Variants in AFG1L observed in about 807,000 individuals in gnomAD.
AFG1L encodes the protein AFG1 like ATPase, also known as AFG1-like ATPase.
A neutral mutation model predicts 62.2 loss-of-function variants in AFG1L; 53 were observed. The observed-to-expected ratio is 0.85, with a 90% CI of 0.68 to 1.07. The LOEUF is 1.07. Among genes scored for constraint, AFG1L ranks in the 50% least tolerant of loss-of-function variants. AFG1L has a pLI of 0.00. For synonymous variants in AFG1L, 228 were observed against 210.3 expected (o/e 1.08, Z -0.73); for missense variants, 555 against 590.5 (o/e 0.94, Z 0.62).
intron 11 of AFG1L, among the ~76,000 whole-genome samples, chr6:108,515,452 C>T (rs1362944868): frequency 2.6e-5 from 4 of 151,990 alleles, no homozygotes; most frequent in Admixed American, 6.6e-5. Context: ...TTGAAACCAA[C>T]GAGAACAAAG....
chr6:108,505,196 C>T (rs996064341), intron 10 of AFG1L, among the ~76,000 whole-genome samples: 19 of 151,516 alleles, frequency 1.3e-4, no homozygotes, highest in African/African-American at 9.7e-5. Flanking sequence ...CAGGTTCAAG[C>T]GATTCTCCTG....
chr6:108,340,999 C>T (rs1220083401), intron 2 of AFG1L, among the ~76,000 whole-genome samples: 1 of 152,112 alleles, frequency 6.6e-6, no homozygotes, highest in Non-Finnish European at 1.5e-5. Context: ...TGCAGAGACA[C>T]AGTGAACTCA....
intron 6 of AFG1L, among the ~76,000 whole-genome samples, chr6:108,373,465 A>T (rs114553600): frequency 1.3e-3 from 204 of 152,102 alleles, no homozygotes; most frequent in African/African-American, 4.7e-3. Flanking sequence ...TGATGCTATG[A>T]CTTTGCTATT....
At chr6:108,469,502 T>G (rs912158914) in intron 8 of AFG1L, among the ~76,000 whole-genome samples, 2 of 152,112 alleles carry the variant, frequency 1.3e-5, no homozygotes, top group Admixed American at 1.3e-4. Flanking sequence ...GTGTGAGTGA[T>G]AAGAAGACAG....
At chr6:108,440,636 T>C (rs1771503805) in intron 7 of AFG1L, among the ~76,000 whole-genome samples, 1 of 150,916 alleles carries the variant, frequency 6.6e-6, no homozygotes, top group Non-Finnish European at 1.5e-5. Flanking sequence ...CTGGCCAACA[T>C]GGTGAAACCC....
chr6:108,427,850 T>C (rs1770896540), intron 7 of AFG1L, among the ~76,000 whole-genome samples: 1 of 152,192 alleles, frequency 6.6e-6, no homozygotes, highest in African/African-American at 2.4e-5. Context: ...TCAAAGGCTC[T>C]TGTAATTAAA....
chr6:108,337,160 AG>A (rs1448761376), intron 2 of AFG1L, among the ~76,000 whole-genome samples: 1 of 152,224 alleles, frequency 6.6e-6, no homozygotes, highest in Non-Finnish European at 1.5e-5. Context: ...CATTTTTGAA[AG>A]GAATGTAGCA....
At chr6:108,418,328 T>C (rs1770420292) in intron 7 of AFG1L, among the ~76,000 whole-genome samples, 1 of 152,186 alleles carries the variant, frequency 6.6e-6, no homozygotes, top group South Asian at 2.1e-4. Flanking sequence ...TATGGCTCTT[T>C]TTGGAGTACA....
intron 6 of AFG1L, among the ~76,000 whole-genome samples, chr6:108,394,873 G>A (rs1180319512): frequency 6.6e-6 from 1 of 152,108 alleles, no homozygotes. Flanking sequence ...CACAATCATG[G>A]CTATCAACTC....
intron 8 of AFG1L, among the ~76,000 whole-genome samples, chr6:108,455,325 CAT>C (rs752492238): frequency 1.1e-4 from 16 of 152,238 alleles, no homozygotes; most frequent in African/African-American, 3.6e-4. Context: ...ATTCTCTTCA[CAT>C]GTGTTTATGT....
intron 7 of AFG1L, among the ~76,000 whole-genome samples, chr6:108,407,822 T>G (rs1399851008): frequency 6.6e-6 from 1 of 152,198 alleles, no homozygotes; most frequent in Admixed American, 6.5e-5. Context: ...TTATATATAA[T>G]TTCCAGATTG....
intron 1 of AFG1L, among the ~76,000 whole-genome samples, chr6:108,297,196 T>A (rs535914080): frequency 6.6e-6 from 1 of 152,166 alleles, no homozygotes; most frequent in South Asian, 2.1e-4. Context: ...AACCTCCACC[T>A]CCTGGATTCA....
chr6:108,408,045 C>G (rs909079209), intron 7 of AFG1L, among the ~76,000 whole-genome samples: 4 of 151,280 alleles, frequency 2.6e-5, no homozygotes, highest in Non-Finnish European at 4.4e-5. Context: ...TACATTGAGT[C>G]TGTTACTTCC....
At chr6:108,342,168 C>T (rs114540642) in intron 2 of AFG1L, among the ~76,000 whole-genome samples, 3,391 of 152,102 alleles carry the variant, frequency 0.022, 120 homozygotes, top group African/African-American at 0.077. Flanking sequence ...TGGGAGAGAA[C>T]GACCCATCCC....
At chr6:108,478,983 C>CA (rs1392180180) in intron 10 of AFG1L, among the ~76,000 whole-genome samples, 4 of 151,990 alleles carry the variant, frequency 2.6e-5, no homozygotes, top group Admixed American at 6.6e-5. Flanking sequence ...TCTTATTTGA[C>CA]AAAAAATATG....
At chr6:108,353,527 A>C (rs937307364) in intron 3 of AFG1L, among the ~76,000 whole-genome samples, 1 of 151,750 alleles carries the variant, frequency 6.6e-6, no homozygotes, top group East Asian at 1.9e-4. Context: ...TCTCACCAGC[A>C]ATGCACAGAT....
At chr6:108,514,730 A>G (rs1225559184) in intron 11 of AFG1L, among the ~76,000 whole-genome samples, 1 of 152,208 alleles carries the variant, frequency 6.6e-6, no homozygotes, top group Non-Finnish European at 1.5e-5. Flanking sequence ...AAGACCCATC[A>G]GTGTGCTGTA....
chr6:108,307,499 C>T lies in AFG1L; in HGVS notation c.139+12281C>T, dbSNP rs532173331. 4.6e-5 allele frequency among the ~76,000 whole-genome samples: 7 copies of T among 151,188 alleles called. No homozygotes were observed. In the South Asian group the frequency reaches 1.5e-3, roughly 32 times the overall value. Reference sequence around the variant, plus strand: ...GATCACAGCTCACTGCCGCCTAAACCTCCCAGGTCCAAGTAATCCTCCCAG... The same window carrying T: ...GATCACAGCTCACTGCCGCCTAAACTTCCCAGGTCCAAGTAATCCTCCCAG... On this transcript the variant is annotated intron_variant, in intron 1 of 12. Transcript: ENST00000368977.
At chr6:108,521,141 G>A (rs1454070674) in intron 12 of AFG1L, 1 of 152,122 alleles carries the variant, frequency 6.6e-6, no homozygotes, top group African/African-American at 2.4e-5. Context: ...CACGAAACTG[G>A]CCCCTGGTGC....
Sources: gnomAD v4.1 joint callset for allele counts (sites outside exome capture counted in the v4.1 genomes callset) on GRCh38, gnomAD v4.1.1 for gene constraint, MANE v1.5 for transcripts, NCBI Gene and HGNC (gene_info 2026-07-23, HGNC 2026-07-21) for gene names.